AK9: variants seen among roughly 807,000 people sequenced by gnomAD.
The protein encoded by AK9 is adenylate kinase 9.
In AK9, 191 loss-of-function variants were observed where a neutral mutation model predicts 239.6. That is an observed-to-expected ratio of 0.80 (90% CI 0.71 to 0.90). The LOEUF is 0.90. Among genes scored for constraint, AK9 ranks in the 40% least tolerant of loss-of-function variants. The probability of loss-of-function intolerance (pLI) is 0.00; values close to 1 mark genes in which losing one functional copy is unlikely to be tolerated. For synonymous variants in AK9, 689 were observed against 721.0 expected, an observed-to-expected ratio of 0.96 and a Z score of 0.71; for missense variants, 1,995 against 2,214.7, an observed-to-expected ratio of 0.90 and a Z score of 1.99.
chr6:109,545,183 T>C (rs1358720276), intron 26 of AK9, among the ~76,000 whole-genome samples: 4 of 152,176 alleles, frequency 2.6e-5, no homozygotes, highest in Non-Finnish European at 4.4e-5. Context: ...CTCATGCCTA[T>C]AATCCCAGCA....
chr6:109,669,819 C>T (rs959382592), intron 5 of AK9, among the ~76,000 whole-genome samples: 1 of 152,096 alleles, frequency 6.6e-6, no homozygotes, highest in African/African-American at 2.4e-5. Flanking sequence ...CTGTGGGATG[C>T]TACAGGATGG....
intron 1 of AK9, among the ~76,000 whole-genome samples, chr6:109,679,337 G>A (rs1772265179): frequency 2.0e-5 from 2 of 101,174 alleles, no homozygotes; most frequent in South Asian, 4.8e-4. Flanking sequence ...ACAAAGCCTT[G>A]GGGAAGTTCC....
chr6:109,601,308 T>C (rs1477501985), intron 17 of AK9, among the ~76,000 whole-genome samples: 6 of 152,206 alleles, frequency 3.9e-5, no homozygotes, highest in Admixed American at 1.3e-4. Context: ...AAGAACATCT[T>C]TATTTCTGCT....
chr6:109,604,475 A>T (rs1314340509), intron 17 of AK9, among the ~76,000 whole-genome samples: 1 of 152,210 alleles, frequency 6.6e-6, no homozygotes, highest in Non-Finnish European at 1.5e-5. Context: ...CAACACCATT[A>T]AATAATTCTT....
chr6:109,686,296 G>C (rs6918140), intron 1 of AK9, among the ~76,000 whole-genome samples: 63,511 of 152,144 alleles, frequency 0.42, 14,948 homozygotes, highest in African/African-American at 0.64. Context: ...AAAGTTTGAA[G>C]GTCTTATTAC....
chr6:109,635,659 A>G (rs1184895480), intron 10 of AK9, among the ~76,000 whole-genome samples: 1 of 152,190 alleles, frequency 6.6e-6, no homozygotes, highest in African/African-American at 2.4e-5. Flanking sequence ...CCTCTTGCTG[A>G]AGAAACTCTG....
At chr6:109,657,549 C>T (rs987640875) in intron 7 of AK9, among the ~76,000 whole-genome samples, 3 of 145,098 alleles carry the variant, frequency 2.1e-5, no homozygotes, top group Non-Finnish European at 3.0e-5. Context: ...AAGTTTCTTT[C>T]TTTTTTTTTT....
At position 109,633,232 on chromosome 6, in the gene AK9, T is replaced by G. The variant is rs1158719460; in HGVS notation, c.1025A>C (p.Asn342Thr). Residue 342 changes from asparagine (N) to threonine (T), a missense_variant, in exon 11 of 41, where the codon AAT becomes ACT. By Grantham distance (65) the Asn-to-Thr change is moderately conservative. Transcript: ENST00000424296. ...RSKWGRTCPV[N>T]LKDGNIYSGL... ...TGAATAAATGTTACCATCTTTTAAATTCACAGGACATGTACGTCCCCATTT... is the reference window on the plus strand; with the variant it reads ...TGAATAAATGTTACCATCTTTTAAAGTCACAGGACATGTACGTCCCCATTT... 1 of 1,605,744 alleles carries G rather than the reference T, an allele frequency of 6.2e-7. No homozygotes were observed. Among genetic ancestry groups the G allele is most frequent in the South Asian group, 1.1e-5 (1 of 88,212 alleles).
At position 109,684,641 on chromosome 6, in the gene AK9, G is replaced by A. The variant is rs544869370; in HGVS notation, c.-12+6506C>T. ...TGTAATCCCAGCACTTTGGGAGGCCGAGGCGGGCGGATCACGAGGTCAGGA... is the reference window on the plus strand; with the variant it reads ...TGTAATCCCAGCACTTTGGGAGGCCAAGGCGGGCGGATCACGAGGTCAGGA... On this transcript the variant is annotated intron_variant, in intron 1 of 40. Coordinates refer to ENST00000424296, the MANE Select transcript of AK9 (RefSeq NM_001145128.3). 8.6e-5 allele frequency among the ~76,000 whole-genome samples: 13 copies of A among 151,048 alleles called. No homozygotes were observed. In the East Asian group the frequency reaches 1.2e-3, roughly 14 times the overall value.
chr6:109,534,510 G>A (rs988173907), intron 27 of AK9, among the ~76,000 whole-genome samples: 1 of 150,304 alleles, frequency 6.7e-6, no homozygotes, highest in Admixed American at 6.6e-5. Context: ...ACATTTGACA[G>A]TTTCAGCCTT....
In AK9 at chr6:109,585,901, T is replaced by C. The variant is rs546278757; in HGVS notation, c.1999+15A>G. ...AAACTTCACTTTCAAATTTACATAA[T>C]AAATATTTACCAACCATTGTTTTCT... On this transcript the variant is annotated intron_variant, in intron 18 of 40. Coordinates refer to ENST00000424296, the MANE Select transcript of AK9 (RefSeq NM_001145128.3). 264 of 1,528,342 alleles carry C rather than the reference T, an allele frequency of 1.7e-4. 6 individuals are homozygous for C. In the South Asian group the frequency reaches 3.3e-3, roughly 19 times the overall value. 94.7% of individuals were successfully genotyped at this position (1,528,342 alleles called of 1,614,324 possible).
chr6:109,516,271 G>A (rs1315964283), intron 30 of AK9, among the ~76,000 whole-genome samples, 159 bp downstream of exon 30: 1 of 151,934 alleles, frequency 6.6e-6, no homozygotes, highest in African/African-American at 2.4e-5. Context: ...CTTAATTTAT[G>A]GACTTATTGC....
At chr6:109,658,612 T>C (rs1348742849) in intron 7 of AK9, among the ~76,000 whole-genome samples, 2 of 152,168 alleles carry the variant, frequency 1.3e-5, no homozygotes, top group Admixed American at 1.3e-4. Context: ...AAATAGAACA[T>C]GTCATTCTCA....
At chr6:109,515,760 A>T (rs1484990977) in intron 31 of AK9, 97 bp downstream of exon 31, 4 of 1,139,446 alleles carry the variant, frequency 3.5e-6, no homozygotes, top group Middle Eastern at 4.3e-4. Context: ...AATACTTACA[A>T]TTTTTGAAAT....
At chr6:109,634,316 C>A (rs561078766) in intron 10 of AK9, among the ~76,000 whole-genome samples, 2 of 152,316 alleles carry the variant, frequency 1.3e-5, no homozygotes, top group South Asian at 4.1e-4. Flanking sequence ...AGCACAAAGG[C>A]CCTCACCGGA....
At chr6:109,640,901 AAT>A (rs1307565149) in intron 10 of AK9, among the ~76,000 whole-genome samples, 2 of 152,146 alleles carry the variant, frequency 1.3e-5, no homozygotes, top group Non-Finnish European at 1.5e-5. Flanking sequence ...TTATTAAAGA[AAT>A]AGAGTTAAGA....
chr6:109,668,578 G>A (rs1801602254), intron 5 of AK9, among the ~76,000 whole-genome samples: 1 of 146,534 alleles, frequency 6.8e-6, no homozygotes, highest in South Asian at 2.3e-4. Flanking sequence ...TTTTGTATGA[G>A]GTGTAAGGAA....
Position 109,533,420 on chromosome 6 carries a change from T to C in AK9, c.3401A>G (p.Gln1134Arg). 1 of 1,611,594 alleles carries C rather than the reference T, an allele frequency of 6.2e-7. No homozygotes were observed. The change falls in exon 28 of 41, where the codon CAG (glutamine) becomes CGG (arginine). Residue 1134 changes from glutamine to arginine, a missense_variant. This residue lies in a region of AK9 where 1,290 missense variants were observed against 1,392.7 expected (regional missense o/e 0.93). Transcript: ENST00000424296. ...DGFPRYPEEA[Q>R]FLGDRGFFPD... ...GAAAAATCCACGATCTCCCAAAAAC[T>C]GGGCCTCTTCTGGATATCGTGGGAA... is the stretch of plus-strand genomic sequence containing the variant.
intron 12 of AK9, among the ~76,000 whole-genome samples, chr6:109,622,505 C>A (rs1794997034): frequency 9.4e-6 from 1 of 106,808 alleles, no homozygotes; most frequent in Non-Finnish European, 1.7e-5. Context: ...TATTATATTA[C>A]TATTATAAAT....
Sources: gnomAD v4.1 joint callset for allele counts (sites outside exome capture counted in the v4.1 genomes callset) on GRCh38, gnomAD v4.1.1 for gene constraint, gnomAD v4.1.1 regional missense constraint, MANE v1.5 for transcripts, NCBI Gene and HGNC (gene_info 2026-07-23, HGNC 2026-07-21) for gene names.